Variants in LRP1B observed in about 807,000 individuals in gnomAD.
LRP1B encodes the protein LDL receptor related protein 1B, also known as low-density lipoprotein receptor-related protein 1B.
In LRP1B, 217 loss-of-function variants were observed where a neutral mutation model predicts 556.6. The observed-to-expected ratio is 0.39, with a 90% CI of 0.35 to 0.44. The LOEUF (loss-of-function observed/expected upper bound fraction) is 0.44, where lower values mean the gene tolerates loss of function less well. Ranked by LOEUF, LRP1B falls within the 20% of genes least tolerant of loss-of-function variation. The probability of loss-of-function intolerance (pLI) is 1.00; values close to 1 mark genes in which losing one functional copy is unlikely to be tolerated. For synonymous variants in LRP1B, 2,047 were observed against 1,865.8 expected, an observed-to-expected ratio of 1.10 and a Z score of -2.50; for missense variants, 5,053 against 5,620.8, an observed-to-expected ratio of 0.90 and a Z score of 3.23.
At chr2:141,115,091 G>T (rs945752285) in intron 7 of LRP1B, among the ~76,000 whole-genome samples, 8 of 151,512 alleles carry the variant, frequency 5.3e-5, no homozygotes, top group African/African-American at 1.9e-4. Context: ...CACATATTTT[G>T]AAACAAAATT....
intron 27 of LRP1B, among the ~76,000 whole-genome samples, chr2:140,858,577 T>A (rs1692690850): frequency 6.6e-6 from 1 of 151,166 alleles, no homozygotes; most frequent in Admixed American, 6.6e-5. Flanking sequence ...TAGTTAGATC[T>A]TTCTTTTTCT....
In LRP1B at chr2:141,886,978, TTG is replaced by T. The variant is rs1491354340; in HGVS notation, c.83-76579_83-76578del. On this transcript the variant is annotated intron_variant, in intron 1 of 90. Coordinates refer to ENST00000389484, the MANE Select transcript of LRP1B (RefSeq NM_018557.3). The stretch of plus-strand genomic sequence containing the variant: ...TTTTTCTTTTTCTTTTTTTTTTTTT[TTG>T]GGTTTTTTGTTTGTTTGTTTTGTTT... Among the ~76,000 whole-genome samples, 99 of 51,664 alleles carry T rather than the reference TTG, an allele frequency of 1.9e-3. 1 individual carries two copies. Among genetic ancestry groups the T allele is most frequent in the African/African-American group, 0.011 (80 of 7,412 alleles). The allele number at this position is 51,664 out of a possible 152,430, so 33.9% of individuals were successfully genotyped here. A position where few individuals can be genotyped will look rare whatever the true frequency, so the allele number is the denominator to read the frequency against.
intron 1 of LRP1B, among the ~76,000 whole-genome samples, chr2:142,004,421 A>G (rs921524609): frequency 3.9e-5 from 6 of 152,078 alleles, no homozygotes; most frequent in Admixed American, 3.9e-4. Flanking sequence ...GAAACAAATG[A>G]GATAATATAT....
intron 6 of LRP1B, among the ~76,000 whole-genome samples, chr2:141,194,814 A>G (rs968039270): frequency 2.6e-5 from 4 of 152,106 alleles, no homozygotes; most frequent in African/African-American, 9.7e-5. Flanking sequence ...CAGGTAACAA[A>G]TATTAAAAAT....
intron 1 of LRP1B, among the ~76,000 whole-genome samples, chr2:141,915,377 T>C (rs1287724454): frequency 6.6e-6 from 1 of 152,074 alleles, no homozygotes; most frequent in Non-Finnish European, 1.5e-5. Context: ...CATACAAATG[T>C]GTCATACAAA....
Position 141,527,881 on chromosome 2 carries a change from A to G in LRP1B, c.206-47348T>C, listed in dbSNP as rs147912584. Among the ~76,000 whole-genome samples, 410 of 152,190 alleles carry G rather than the reference A, an allele frequency of 2.7e-3. 2 individuals carry two copies. The highest frequency in any genetic ancestry group is 9.5e-3 in the African/African-American group (393 of 41,554). On this transcript the variant is annotated intron_variant, in intron 2 of 90. Coordinates refer to ENST00000389484, the MANE Select transcript of LRP1B (RefSeq NM_018557.3). ...ACAGTTAATCCAATCTTGATGACTC[A>G]GGGCTATGATTTAACTCTTCTCATA...
At chr2:141,553,697 ATT>A in intron 2 of LRP1B, among the ~76,000 whole-genome samples, 1 of 138,424 alleles carries the variant, frequency 7.2e-6, no homozygotes, top group African/African-American at 2.6e-5. Context: ...TAGAATATAT[ATT>A]ATATAGATCT....
At chr2:140,903,266 T>A (rs1573861891) in intron 22 of LRP1B, 101 bp from the exon 23 acceptor site, 1 of 1,354,216 alleles carries the variant, frequency 7.4e-7, no homozygotes, top group Non-Finnish European at 1.0e-6. Context: ...TTAGCCAGGA[T>A]ACTACAAATG....
At chr2:141,116,966 C>A (rs962823629) in intron 7 of LRP1B, among the ~76,000 whole-genome samples, 3 of 151,934 alleles carry the variant, frequency 2.0e-5, no homozygotes, top group South Asian at 2.1e-4. Context: ...TTTGTTAGTT[C>A]GTGGGTAACA....
chr2:141,618,098 G>T (rs1033372328), intron 2 of LRP1B, among the ~76,000 whole-genome samples: 1 of 152,090 alleles, frequency 6.6e-6, no homozygotes, highest in South Asian at 2.1e-4. Flanking sequence ...TGCTCTTATG[G>T]GCATGTATGT....
intron 2 of LRP1B, among the ~76,000 whole-genome samples, chr2:141,516,852 C>A (rs1433675143): frequency 6.6e-6 from 1 of 151,386 alleles, no homozygotes; most frequent in Non-Finnish European, 1.5e-5. Context: ...CACATGCCAC[C>A]ATGCCTGGCT....
At chr2:141,113,757 A>T (rs1700811888) in intron 7 of LRP1B, among the ~76,000 whole-genome samples, 1 of 151,510 alleles carries the variant, frequency 6.6e-6, no homozygotes, top group Non-Finnish European at 1.5e-5. Flanking sequence ...AAATGCAAAA[A>T]GCTATTAATA....
At chr2:141,194,423 C>G (rs1212890267) in intron 6 of LRP1B, among the ~76,000 whole-genome samples, 2 of 151,946 alleles carry the variant, frequency 1.3e-5, no homozygotes, top group Non-Finnish European at 2.9e-5. Flanking sequence ...TAGATGATGG[C>G]CAGAAAGTAT....
chr2:141,615,719 C>T (rs1489778875), intron 2 of LRP1B, among the ~76,000 whole-genome samples: 1 of 152,066 alleles, frequency 6.6e-6, no homozygotes, highest in East Asian at 1.9e-4. Context: ...CACTTAACTT[C>T]CCTGAAGAAC....
At chr2:142,048,505 A>G (rs1173859656) in intron 1 of LRP1B, among the ~76,000 whole-genome samples, 3 of 152,112 alleles carry the variant, frequency 2.0e-5, no homozygotes. Flanking sequence ...TACTATGGAC[A>G]TGAATTTCAA....
chr2:141,164,657 T>C (rs1034771120), intron 7 of LRP1B, among the ~76,000 whole-genome samples: 6 of 152,078 alleles, frequency 3.9e-5, no homozygotes, highest in Non-Finnish European at 5.9e-5. Flanking sequence ...TATGATGATG[T>C]CTGTTTTGGG....
chr2:140,725,541 G>A (rs555530745), intron 35 of LRP1B, among the ~76,000 whole-genome samples: 3 of 129,616 alleles, frequency 2.3e-5, no homozygotes, highest in Admixed American at 8.2e-5. Context: ...GTCATGGGGT[G>A]GGGGGAGGGG....
chr2:140,233,443 T>A, intron 90 of LRP1B, 117 bp from the exon 91 acceptor site: 23 of 607,022 alleles, frequency 3.8e-5, no homozygotes, highest in Non-Finnish European at 5.8e-5. Context: ...TACATTTAAT[T>A]TATTAAATAG....
intron 1 of LRP1B, among the ~76,000 whole-genome samples, chr2:141,837,116 G>A (rs1479135394): frequency 6.6e-6 from 1 of 151,936 alleles, no homozygotes; most frequent in Non-Finnish European, 1.5e-5. Flanking sequence ...TGCAGGGCTA[G>A]GAAAGGCAAC....
Sources: gnomAD v4.1 joint callset for allele counts (sites outside exome capture counted in the v4.1 genomes callset) on GRCh38, gnomAD v4.1.1 for gene constraint, MANE v1.5 for transcripts, NCBI Gene and HGNC (gene_info 2026-07-23, HGNC 2026-07-21) for gene names.